The following DOK6 variants were observed in gnomAD, a reference collection of about 807,000 sequenced individuals.
DOK6 encodes the protein docking protein 6, also known as downstream of tyrosine kinase 6.
In DOK6, 22 loss-of-function variants were observed where a neutral mutation model predicts 44.0. That is an observed-to-expected ratio of 0.50 (90% CI 0.36 to 0.71). The LOEUF (loss-of-function observed/expected upper bound fraction) is 0.71, where lower values mean the gene tolerates loss of function less well. DOK6 is among the 30% of genes least tolerant of loss of function. DOK6 has a pLI of 0.00. For missense variants in DOK6, 340 were observed against 416.4 expected, an observed-to-expected ratio of 0.82 and a Z score of 1.60; for synonymous variants, 166 against 145.5, an observed-to-expected ratio of 1.14 and a Z score of -1.01.
chr18:69,492,327 A>C (rs897436968), intron 1 of DOK6, among the ~76,000 whole-genome samples: 7 of 152,210 alleles, frequency 4.6e-5, no homozygotes, highest in African/African-American at 1.7e-4. Context: ...TTGCTTCTGC[A>C]GAGACTGTAC....
intron 1 of DOK6, among the ~76,000 whole-genome samples, chr18:69,542,969 T>C (rs1478869039): frequency 6.6e-6 from 1 of 151,562 alleles, no homozygotes; most frequent in Non-Finnish European, 1.5e-5. Context: ...CTTCTTCTAA[T>C]GAAAGGATAG....
At chr18:69,835,247 G>T (rs1448662735) in intron 7 of DOK6, among the ~76,000 whole-genome samples, 3 of 152,118 alleles carry the variant, frequency 2.0e-5, no homozygotes, top group Non-Finnish European at 2.9e-5. Context: ...TGGATCACGA[G>T]GTCAGGAGAT....
intron 7 of DOK6, among the ~76,000 whole-genome samples, chr18:69,774,135 T>TATATATAGATATATATAG (rs1568122488): frequency 8.7e-6 from 1 of 114,956 alleles, no homozygotes; most frequent in East Asian, 2.7e-4. Context: ...ATATATGAGA[T>TATATATAGATATATATAG]ATATATATAT....
At chr18:69,450,878 C>T (rs1179157970) in intron 1 of DOK6, among the ~76,000 whole-genome samples, 1 of 148,894 alleles carries the variant, frequency 6.7e-6, no homozygotes, top group Admixed American at 6.7e-5. Flanking sequence ...TTTGTCACCA[C>T]CAGGCCTGCC....
In DOK6 at chr18:69,669,800, A is replaced by G. The variant is rs188947921; in HGVS notation, c.290-7934A>G. Among the ~76,000 whole-genome samples, 288 of 152,248 alleles carry G rather than the reference A, an allele frequency of 1.9e-3. 3 individuals carry two copies. The highest frequency in any genetic ancestry group is 2.9e-3 in the Non-Finnish European group (198 of 68,016). ...TTCCTATTTAATTTATTAAGCTTCA[A>G]GTAGATTTAATCACACCATATTCCT... is the stretch of plus-strand genomic sequence containing the variant. On this transcript the variant is annotated intron_variant, in intron 3 of 7. Coordinates refer to ENST00000382713, the MANE Select transcript of DOK6 (RefSeq NM_152721.6).
intron 2 of DOK6, among the ~76,000 whole-genome samples, chr18:69,574,046 A>C (rs1983181594): frequency 6.6e-6 from 1 of 152,024 alleles, no homozygotes; most frequent in Admixed American, 6.6e-5. Flanking sequence ...ACCAAGGAAA[A>C]GAGATCTGCC....
rs1365634099 is a variant in DOK6 at position 69,599,402 on chromosome 18, A to T, written c.193A>T (p.Ile65Phe). 3.1e-6 allele frequency: 5 copies of T among 1,613,564 alleles called. No homozygotes were observed. Among genetic ancestry groups the T allele is most frequent in the Non-Finnish European group, 4.2e-6 (5 of 1,179,850 alleles). Residue 65 changes from isoleucine (I) to phenylalanine (F), a missense_variant, in exon 3 of 8, where the codon ATC (isoleucine) becomes TTC (phenylalanine). Physicochemically the swap from Ile to Phe is conservative, Grantham distance 21. Around this residue, in one of 3 missense-constraint regions of DOK6, gnomAD observed 206 missense variants for 258.6 expected, o/e 0.80. Transcript: ENST00000382713. ...TTTCAAGGTAACTGAACTGCACAATATCAAAAATATAACCAGACTGCCCCG... is the reference window on the plus strand; with the variant it reads ...TTTCAAGGTAACTGAACTGCACAATTTCAAAAATATAACCAGACTGCCCCG... ...NFHKVTELHN[I>F]KNITRLPRET... is the part of the protein sequence containing the mutation.
chr18:69,688,525 G>A (rs117596817), intron 4 of DOK6, among the ~76,000 whole-genome samples: 4,241 of 152,132 alleles, frequency 0.028, 77 homozygotes, highest in Middle Eastern at 0.075. Flanking sequence ...AGACAAATAG[G>A]TTGTTGCTGC....
intron 1 of DOK6, among the ~76,000 whole-genome samples, chr18:69,536,067 A>G (rs989051664): frequency 2.6e-5 from 4 of 152,162 alleles, no homozygotes. Flanking sequence ...GTCCCGTATA[A>G]TCAGGCATTT....
intron 7 of DOK6, among the ~76,000 whole-genome samples, chr18:69,809,422 A>G (rs1363776283): frequency 6.6e-6 from 1 of 151,684 alleles, no homozygotes; most frequent in Admixed American, 6.6e-5. Flanking sequence ...TCTCTGTAAC[A>G]TAGTACTGGA....
intron 3 of DOK6, among the ~76,000 whole-genome samples, chr18:69,612,217 T>TAAAAAAA (rs33970961): frequency 6.7e-6 from 1 of 149,898 alleles, no homozygotes; most frequent in Non-Finnish European, 1.5e-5. Flanking sequence ...ATATTTAAGT[T>TAAAAAAA]AAAAAAAACC....
chr18:69,510,912 A>G (rs1418721789), intron 1 of DOK6, among the ~76,000 whole-genome samples: 1 of 152,038 alleles, frequency 6.6e-6, no homozygotes, highest in East Asian at 1.9e-4. Context: ...TTATAATTAT[A>G]TGGAGGAAAT....
intron 1 of DOK6, among the ~76,000 whole-genome samples, chr18:69,520,243 TTTACTTATTTAAAACAATTTCTA>T (rs1164823708): frequency 6.6e-6 from 1 of 151,260 alleles, no homozygotes; most frequent in Admixed American, 6.6e-5. Context: ...AGAAAATATA[TTTACTTATTTAAAACAATTTCTA>T]TTAGACCTAG....
At chr18:69,821,526 T>C (rs931882543) in intron 7 of DOK6, among the ~76,000 whole-genome samples, 2 of 152,194 alleles carry the variant, frequency 1.3e-5, no homozygotes, top group Non-Finnish European at 1.5e-5. Context: ...TCTTTAAAAG[T>C]ACCCTATTGT....
At position 69,589,080 on chromosome 18, in the gene DOK6, A is replaced by G. The variant is rs182838542; in HGVS notation, c.175-10304A>G. 1.8e-4 allele frequency among the ~76,000 whole-genome samples: 28 copies of G among 152,242 alleles called. No homozygotes were observed. In the East Asian group the frequency reaches 5.0e-3, roughly 27 times the overall value. On this transcript the variant is annotated intron_variant, in intron 2 of 7. Transcript: ENST00000382713. ...GCTACTGGAAAATTGATATAAATTTAGTTGGAAAAAAGCAATAGTAAAATT... is the reference window on the plus strand; with the variant it reads ...GCTACTGGAAAATTGATATAAATTTGGTTGGAAAAAAGCAATAGTAAAATT...
intron 1 of DOK6, among the ~76,000 whole-genome samples, chr18:69,445,622 C>G (rs1164475101): frequency 1.3e-5 from 2 of 151,934 alleles, no homozygotes; most frequent in Admixed American, 1.3e-4. Context: ...ATATGTTGAA[C>G]CACTCTTTCA....
At chr18:69,593,988 A>G (rs1214248823) in intron 2 of DOK6, among the ~76,000 whole-genome samples, 2 of 152,124 alleles carry the variant, frequency 1.3e-5, no homozygotes, top group East Asian at 1.9e-4. Flanking sequence ...CATAACTTCA[A>G]TTTATTTTGT....
intron 1 of DOK6, among the ~76,000 whole-genome samples, chr18:69,433,993 G>A (rs927557161): frequency 6.6e-6 from 1 of 152,126 alleles, no homozygotes; most frequent in African/African-American, 2.4e-5. Context: ...AAAATTTCCT[G>A]ATCACACATG....
intron 7 of DOK6, among the ~76,000 whole-genome samples, chr18:69,827,980 A>G (rs1981790315): frequency 6.6e-6 from 1 of 151,914 alleles, no homozygotes; most frequent in Non-Finnish European, 1.5e-5. Flanking sequence ...GATTTGTAGG[A>G]CATTAATATG....
Sources: gnomAD v4.1 joint callset for allele counts (sites outside exome capture counted in the v4.1 genomes callset) on GRCh38, gnomAD v4.1.1 for gene constraint, gnomAD v4.1.1 regional missense constraint, MANE v1.5 for transcripts, NCBI Gene and HGNC (gene_info 2026-07-23, HGNC 2026-07-21) for gene names.